Variants in RASEF observed in about 807,000 individuals in gnomAD.
RASEF encodes ras and EF-hand domain-containing protein.
Under a neutral mutation model 90.1 loss-of-function variants are expected in RASEF, and 68 were observed. The ratio of observed to expected loss-of-function variants is 0.75; its 90% CI spans 0.62 to 0.92. The LOEUF (loss-of-function observed/expected upper bound fraction) is 0.92, where lower values mean the gene tolerates loss of function less well. Among genes scored for constraint, RASEF ranks in the 40% least tolerant of loss-of-function variants. The pLI is 0.00. For synonymous variants in RASEF, 331 were observed against 345.2 expected (o/e 0.96, Z 0.46); for missense variants, 949 against 937.2 (o/e 1.01, Z -0.16).
rs1286402163 is a variant in RASEF, at chr9:83,013,862, GT to G, written c.766-1352del. ...TCAGTCATTATGGTTAGGAAAGACA[GT>G]TTTTTAATAATTGCATTTTATAGAT... On this transcript the variant is annotated intron_variant, in intron 4 of 16. Transcript: ENST00000376447. Among the ~76,000 whole-genome samples the G allele has an allele frequency of 3.9e-5, 6 of 152,186 alleles. No individual in the cohort carries two copies. In the East Asian group the frequency reaches 1.2e-3, roughly 29 times the overall value.
At chr9:82,984,018 G>T (rs1434164351) in intron 16 of RASEF, among the ~76,000 whole-genome samples, 1 of 152,154 alleles carries the variant, frequency 6.6e-6, no homozygotes, top group African/African-American at 2.4e-5. Context: ...TGTTGTTTTG[G>T]GCAACCAAGT....
chr9:82,997,886 A>T (rs1828950464), intron 13 of RASEF, among the ~76,000 whole-genome samples: 1 of 152,198 alleles, frequency 6.6e-6, no homozygotes, highest in African/African-American at 2.4e-5. Flanking sequence ...CGAAGGAGTT[A>T]AACAAGATTA....
At chr9:83,063,728 G>A (rs1830256576), upstream of RASEF, among the ~76,000 whole-genome samples, 1 of 152,120 alleles carries the variant, frequency 6.6e-6, no homozygotes, top group Admixed American at 6.5e-5. Flanking sequence ...AAAGACTGAG[G>A]TCGTTTTGTA....
chr9:83,172,745 G>C, the RASEF span, among the ~76,000 whole-genome samples: 35,210 of 151,648 alleles, frequency 0.23, 4,698 homozygotes, highest in Middle Eastern at 0.31. Flanking sequence ...TATTATTTTT[G>C]ATAGATTTCT....
chr9:83,187,021 G>C, the RASEF span, among the ~76,000 whole-genome samples: 2 of 152,032 alleles, frequency 1.3e-5, no homozygotes, highest in East Asian at 3.9e-4. Context: ...ATATTCCTCT[G>C]CCTAAATCAT....
chr9:83,136,211 T>A, the RASEF span, among the ~76,000 whole-genome samples: 2 of 152,114 alleles, frequency 1.3e-5, no homozygotes, highest in African/African-American at 4.8e-5. Flanking sequence ...TTCTTTATAG[T>A]TACAATCATA....
At chr9:83,125,893 G>A in the RASEF span, among the ~76,000 whole-genome samples, 3 of 152,172 alleles carry the variant, frequency 2.0e-5, no homozygotes, top group African/African-American at 7.2e-5. Context: ...GTTTCTCAAG[G>A]TTCTGTGACC....
At chr9:83,000,347 G>A (rs144744360) in intron 11 of RASEF, 31 bp from the exon 12 acceptor site, 170 of 1,611,398 alleles carry the variant, frequency 1.1e-4, no homozygotes, top group Non-Finnish European at 1.4e-4. Flanking sequence ...GAATGATAAC[G>A]GTATTGCCAG....
At chr9:83,191,810 T>A in the RASEF span, among the ~76,000 whole-genome samples, 5 of 152,210 alleles carry the variant, frequency 3.3e-5, no homozygotes, top group African/African-American at 1.2e-4. Flanking sequence ...TATTTGGAGA[T>A]ATTAACGTTA....
chr9:83,036,751 T>C (rs555545463), intron 1 of RASEF, among the ~76,000 whole-genome samples: 63 of 152,294 alleles, frequency 4.1e-4, no homozygotes, highest in African/African-American at 1.5e-3. Context: ...AATCCGAATA[T>C]GGACTTTAGT....
chr9:83,045,252 G>A (rs939047162), intron 1 of RASEF, among the ~76,000 whole-genome samples: 10 of 152,170 alleles, frequency 6.6e-5, no homozygotes, highest in African/African-American at 2.4e-4. Context: ...TAATACAAGT[G>A]TCTTAAATCA....
chr9:83,105,823 A>C, the RASEF span, among the ~76,000 whole-genome samples: 1 of 152,156 alleles, frequency 6.6e-6, no homozygotes, highest in Non-Finnish European at 1.5e-5. Flanking sequence ...TGGTTATAAG[A>C]CTCAATAATA....
chr9:82,983,126 C>G (rs1394519416), intron 16 of RASEF, among the ~76,000 whole-genome samples: 1 of 134,728 alleles, frequency 7.4e-6, no homozygotes, highest in African/African-American at 3.1e-5. Context: ...CACACACACA[C>G]ACACACACAC....
At chr9:83,035,993 C>T (rs1399104655) in intron 1 of RASEF, among the ~76,000 whole-genome samples, 2 of 152,156 alleles carry the variant, frequency 1.3e-5, no homozygotes, top group East Asian at 1.9e-4. Context: ...TTAACAGTTG[C>T]ATTAAAACAA....
chr9:83,071,978 G>T, the RASEF span, among the ~76,000 whole-genome samples: 2 of 152,196 alleles, frequency 1.3e-5, no homozygotes, highest in African/African-American at 4.8e-5. Context: ...GGCCAACCCA[G>T]ACTCAAGGGG....
At chr9:83,169,405 T>C in the RASEF span, among the ~76,000 whole-genome samples, 41 of 146,750 alleles carry the variant, frequency 2.8e-4, no homozygotes, top group African/African-American at 9.5e-4. Context: ...AGGAGTGGGA[T>C]TGTTTGATCT....
At chr9:83,213,104 A>G in the RASEF span, among the ~76,000 whole-genome samples, 33 of 152,002 alleles carry the variant, frequency 2.2e-4, no homozygotes, top group South Asian at 6.2e-4. Flanking sequence ...AAAAAAAAAA[A>G]AAAGAAAGAA....
chr9:83,164,728 A>T, the RASEF span, among the ~76,000 whole-genome samples: 2 of 151,930 alleles, frequency 1.3e-5, no homozygotes, highest in African/African-American at 2.4e-5. Context: ...TAAATGTACC[A>T]ATTAAAAGAG....
At chr9:83,109,444 T>C in the RASEF span, among the ~76,000 whole-genome samples, 1 of 152,198 alleles carries the variant, frequency 6.6e-6, no homozygotes, top group African/African-American at 2.4e-5. Flanking sequence ...GTGGGAGGCC[T>C]GCCAACTTAT....
Sources: allele counts gnomAD v4.1 joint callset (sites outside exome capture counted in the v4.1 genomes callset), GRCh38; gene constraint gnomAD v4.1.1; transcripts MANE v1.5; gene names NCBI Gene and HGNC (gene_info 2026-07-23, HGNC 2026-07-21).